The following CA10 variants were observed in gnomAD, a reference collection of about 807,000 sequenced individuals.
CA10 encodes the protein carbonic anhydrase-related protein 10.
In CA10, 14 loss-of-function variants were observed where a neutral mutation model predicts 44.2. The observed-to-expected ratio is 0.32, with a 90% confidence interval of 0.21 to 0.50. The LOEUF is 0.50. Ranked by LOEUF, CA10 falls within the 20% of genes least tolerant of loss-of-function variation. The probability of loss-of-function intolerance (pLI) is 0.99; values close to 1 mark genes in which losing one functional copy is unlikely to be tolerated. For synonymous variants in CA10, 159 were observed against 141.6 expected (o/e 1.12, Z -0.87); for missense variants, 350 against 409.7 (o/e 0.85, Z 1.26).
intron 3 of CA10, among the ~76,000 whole-genome samples, chr17:51,844,773 T>C (rs1978416340): frequency 6.6e-6 from 1 of 152,108 alleles, no homozygotes. Flanking sequence ...ACTTACGACT[T>C]AGTGCTAATT....
chr17:51,799,452 T>C (rs2057298250), intron 3 of CA10, among the ~76,000 whole-genome samples: 3 of 152,144 alleles, frequency 2.0e-5, no homozygotes, highest in Admixed American at 1.3e-4. Flanking sequence ...ATGGTCTTTG[T>C]TGGGATGATG....
At chr17:51,649,356 C>A in intron 5 of CA10, 102 bp from the exon 6 acceptor site, 1 of 877,710 alleles carries the variant, frequency 1.1e-6, no homozygotes, top group Non-Finnish European at 1.9e-6. Context: ...GAGTATCTAC[C>A]ATGAGCCAAA....
At chr17:51,953,434 G>A (rs761818690) in intron 2 of CA10, among the ~76,000 whole-genome samples, 4 of 150,620 alleles carry the variant, frequency 2.7e-5, no homozygotes, top group Non-Finnish European at 5.9e-5. Flanking sequence ...TATCTGATAG[G>A]AATAGTCCCT....
intron 4 of CA10, among the ~76,000 whole-genome samples, chr17:51,668,781 G>A (rs564792809): frequency 1.6e-4 from 24 of 152,228 alleles, no homozygotes; most frequent in African/African-American, 4.3e-4. Flanking sequence ...AGAGAGAGGC[G>A]CAGGTGTGAA....
intron 2 of CA10, among the ~76,000 whole-genome samples, chr17:51,964,399 C>T (rs957971857): frequency 5.9e-5 from 9 of 151,930 alleles, no homozygotes; most frequent in African/African-American, 2.2e-4. Flanking sequence ...ACATTTTGAC[C>T]AGTTGGACCT....
intron 1 of CA10, among the ~76,000 whole-genome samples, chr17:52,155,900 C>G (rs776678113): frequency 1.3e-5 from 2 of 152,178 alleles, no homozygotes; most frequent in African/African-American, 4.8e-5. Flanking sequence ...AATTTAGTTG[C>G]TGATACACCA....
chr17:51,638,415 A>G (rs982085013), intron 6 of CA10, among the ~76,000 whole-genome samples: 4 of 152,186 alleles, frequency 2.6e-5, no homozygotes, highest in African/African-American at 4.8e-5. Flanking sequence ...TTCCGTCAAA[A>G]CACCAAGGAA....
chr17:51,967,909 C>A (rs1366573677), intron 2 of CA10, among the ~76,000 whole-genome samples: 1 of 151,710 alleles, frequency 6.6e-6, no homozygotes, highest in Non-Finnish European at 1.5e-5. Flanking sequence ...CAGCTTAATG[C>A]CTGGAACTGT....
chr17:51,953,022 A>G (rs1191353441), intron 2 of CA10, among the ~76,000 whole-genome samples: 1 of 152,164 alleles, frequency 6.6e-6, no homozygotes, highest in Non-Finnish European at 1.5e-5. Flanking sequence ...TCAGTCTCCT[A>G]AAGTATTAGA....
At chr17:52,025,359 G>A (rs1986268347) in intron 2 of CA10, among the ~76,000 whole-genome samples, 1 of 151,984 alleles carries the variant, frequency 6.6e-6, no homozygotes, top group South Asian at 2.1e-4. Context: ...CTAACTTATT[G>A]TCATAGAGCT....
intron 4 of CA10, among the ~76,000 whole-genome samples, chr17:51,657,908 A>AT (rs1567791928): frequency 6.6e-6 from 1 of 152,252 alleles, no homozygotes; most frequent in Non-Finnish European, 1.5e-5. Context: ...TAAGCTATTC[A>AT]TTAAAGAGAT....
At chr17:51,765,371 T>C (rs1029913102) in intron 3 of CA10, among the ~76,000 whole-genome samples, 4 of 152,186 alleles carry the variant, frequency 2.6e-5, no homozygotes, top group African/African-American at 7.2e-5. Context: ...CAATTTCTAG[T>C]GATCAAAATG....
intron 2 of CA10, among the ~76,000 whole-genome samples, chr17:51,999,559 T>C (rs1172521807): frequency 6.6e-6 from 1 of 151,960 alleles, no homozygotes; most frequent in Non-Finnish European, 1.5e-5. Flanking sequence ...GTTGTGAGTG[T>C]GGGGCAGTGA....
intron 2 of CA10, among the ~76,000 whole-genome samples, chr17:52,007,194 A>G (rs1342803664): frequency 6.6e-6 from 1 of 151,656 alleles, no homozygotes; most frequent in Non-Finnish European, 1.5e-5. Flanking sequence ...ATCATATTCA[A>G]ATAGTGACAA....
rs557641447 is a variant in CA10, at chr17:52,158,369, C to G, written c.-583G>C. 6 of 176,890 alleles carry G rather than the reference C, an allele frequency of 3.4e-5. No homozygotes were observed. The Admixed American group carries it at 3.4e-4, about 10-fold the overall frequency. The allele number at this position is 176,890 out of a possible 1,614,324, so 11.0% of individuals were successfully genotyped here. Reference sequence around the variant, plus strand: ...TGCTGCGCTCCGGGGCAGTTCTTCTCCTGCTTCCGGGGGGCGGGGAAGGAG... The same window carrying G: ...TGCTGCGCTCCGGGGCAGTTCTTCTGCTGCTTCCGGGGGGCGGGGAAGGAG... On this transcript the variant is annotated 5_prime_UTR_variant, in exon 1 of 9. Transcript: ENST00000451037.
At chr17:51,886,267 A>C (rs1456338779) in intron 3 of CA10, among the ~76,000 whole-genome samples, 2 of 152,148 alleles carry the variant, frequency 1.3e-5, no homozygotes, top group African/African-American at 4.8e-5. Flanking sequence ...GGCTATAAAA[A>C]CTGCACCTTC....
intron 2 of CA10, among the ~76,000 whole-genome samples, chr17:52,003,510 G>A (rs992076609): frequency 4.6e-5 from 7 of 151,976 alleles, no homozygotes; most frequent in Non-Finnish European, 8.8e-5. Flanking sequence ...TGGTAAGTTA[G>A]TATCTGTTAA....
intron 3 of CA10, among the ~76,000 whole-genome samples, chr17:51,916,641 A>T (rs1462913879): frequency 6.6e-6 from 1 of 151,842 alleles, no homozygotes; most frequent in African/African-American, 2.4e-5. Context: ...GGTCCATTGA[A>T]CCTCTTTTCC....
chr17:52,083,576 C>A (rs1361207815), intron 1 of CA10, among the ~76,000 whole-genome samples: 1 of 152,074 alleles, frequency 6.6e-6, no homozygotes, highest in Non-Finnish European at 1.5e-5. Flanking sequence ...ACTCTCCCAC[C>A]CTTCCAAGTC....
Sources: allele counts gnomAD v4.1 joint callset (sites outside exome capture counted in the v4.1 genomes callset), GRCh38; gene constraint gnomAD v4.1.1; transcripts MANE v1.5; gene names NCBI Gene and HGNC (gene_info 2026-07-23, HGNC 2026-07-21).